PKD1L3: variants seen among roughly 807,000 people sequenced by gnomAD.
The protein encoded by PKD1L3 is polycystin 1 like 3, transient receptor potential channel interacting.
A neutral mutation model predicts 184.1 loss-of-function variants in PKD1L3; 239 were observed. The observed-to-expected ratio is 1.30, with a 90% CI of 1.17 to 1.45. The LOEUF (loss-of-function observed/expected upper bound fraction) is 1.45. PKD1L3 is among the 40% of genes most tolerant of loss of function. The pLI, the probability that PKD1L3 is intolerant of heterozygous loss-of-function variation, is 0.00. For missense variants in PKD1L3, 2,660 were observed against 2,067.2 expected, an observed-to-expected ratio of 1.29 and a Z score of -5.56; for synonymous variants, 996 against 778.8, an observed-to-expected ratio of 1.28 and a Z score of -4.64.
intron 11 of PKD1L3, among the ~76,000 whole-genome samples, chr16:71,974,264 G>C (rs2039836129): frequency 6.6e-6 from 1 of 152,166 alleles, no homozygotes; most frequent in Admixed American, 6.5e-5. Context: ...GCTAAGGTGA[G>C]TCATCCAGTC....
intron 7 of PKD1L3, among the ~76,000 whole-genome samples, chr16:71,981,826 C>A (rs1394919758): frequency 1.3e-5 from 2 of 152,094 alleles, no homozygotes; most frequent in Non-Finnish European, 2.9e-5. Flanking sequence ...CAGGTGTGAG[C>A]CACCGGGTCC....
At chr16:71,958,255 C>T (rs2039124237) in intron 16 of PKD1L3, among the ~76,000 whole-genome samples, 1 of 150,494 alleles carries the variant, frequency 6.6e-6, no homozygotes, top group East Asian at 2.0e-4. Flanking sequence ...GGCGTAGTGG[C>T]GGGCGCCTGT....
At chr16:71,962,523 C>A (rs138070522) in intron 16 of PKD1L3, among the ~76,000 whole-genome samples, 1 of 152,182 alleles carries the variant, frequency 6.6e-6, no homozygotes, top group East Asian at 1.9e-4. Flanking sequence ...GAGTTTCGCT[C>A]CGTTGCCCAG....
chr16:71,973,928 G>T (rs2039817945), intron 11 of PKD1L3, among the ~76,000 whole-genome samples: 1 of 151,908 alleles, frequency 6.6e-6, no homozygotes, highest in Admixed American at 6.6e-5. Flanking sequence ...CTTGAACTTG[G>T]GAGGTGGAAG....
At chr16:71,937,256 T>C in intron 25 of PKD1L3, 36 bp downstream of exon 25, 2 of 1,541,402 alleles carry the variant, frequency 1.3e-6, no homozygotes, top group South Asian at 2.4e-5. Flanking sequence ...GGTTTTGCCA[T>C]GTTGCCCAGG....
In PKD1L3 at chr16:71,942,950, G is replaced by A. The variant is rs1273003741; in HGVS notation, c.3934C>T (p.Gln1312Ter). The change falls in exon 24 of 30, where the codon CAA (glutamine) becomes TAA (stop). Residue 1312 changes from glutamine to a stop codon, truncating the protein, a stop_gained. Coordinates refer to ENST00000620267, the MANE Select transcript of PKD1L3 (RefSeq NM_181536.2). LOFTEE classifies it high-confidence loss of function. The part of the protein sequence containing the change: ...AKNSNRFYLH[Q>*]AIWKTFSHQF... ...TGCGAAAATGTCTTCCAGATAGCTT[G>A]GTGGAGGTAAAATCTATTGGAGTTC... 1 of 1,551,398 alleles carries A rather than the reference G, an allele frequency of 6.4e-7. No individual in the cohort carries two copies. The highest frequency in any genetic ancestry group is 8.7e-7 in the Non-Finnish European group (1 of 1,146,898).
chr16:71,984,206 A>G, intron 5 of PKD1L3, 39 bp from the exon 6 acceptor site: 1 of 1,537,622 alleles, frequency 6.5e-7, no homozygotes, highest in South Asian at 1.2e-5. Flanking sequence ...TACTCATACA[A>G]AATTACTGTA....
At chr16:71,986,981 G>C (rs1456922241) in intron 4 of PKD1L3, among the ~76,000 whole-genome samples, 2 of 132,078 alleles carry the variant, frequency 1.5e-5, no homozygotes, top group African/African-American at 2.9e-5. Context: ...CTGGAGTGCA[G>C]TGGCACGATC....
At chr16:71,982,453 T>C (rs1460427405) in intron 6 of PKD1L3, among the ~76,000 whole-genome samples, 2 of 151,684 alleles carry the variant, frequency 1.3e-5, no homozygotes, top group Non-Finnish European at 2.9e-5. Flanking sequence ...GCTCAACTAA[T>C]TTTGTATTTT....
chr16:71,961,953 T>G (rs531506226), intron 16 of PKD1L3, among the ~76,000 whole-genome samples: 1 of 152,336 alleles, frequency 6.6e-6, no homozygotes, highest in South Asian at 2.1e-4. Flanking sequence ...TGGTGTTTGG[T>G]TGATAGAGCC....
In PKD1L3 at chr16:71,978,254, C is replaced by T; in HGVS notation, c.1527+1G>A. The T allele has an allele frequency of 6.5e-7, 1 of 1,548,536 alleles. No homozygotes were observed. The highest frequency in any genetic ancestry group is 8.7e-7 in the Non-Finnish European group (1 of 1,144,880). On this transcript the variant is annotated splice_donor_variant, in intron 10 of 29. Transcript: ENST00000620267. LOFTEE classifies it high-confidence loss of function. ...TTTATTCCCTAAGAATCAGTTCCTA[C>T]CTCAATGTCCTCCATTAAATCATGG...
At chr16:71,978,495 GTA>G (rs4045545) in intron 9 of PKD1L3, 112 bp from the exon 10 acceptor site, 40,605 of 143,866 alleles carry the variant, frequency 0.28, 8,935 homozygotes, top group Admixed American at 0.36. Flanking sequence ...GTGTGTGTGT[GTA>G]TATATATATA....
In PKD1L3 at chr16:71,950,273, C is replaced by A. The variant is rs542510829; in HGVS notation, c.3228G>T (p.Leu1076=). Residue 1076 remains leucine (L), a synonymous_variant, in exon 20 of 30, where the codon CTG becomes CTT. Transcript: ENST00000620267. ...ATTTCAGCCTCTGCAGAACTCTATG[C>A]AGGTAACAGCAGAAATGATGGTGGT... ...PENHHHFCCY[L]HRVLQRLKSH... 3.2e-6 allele frequency: 5 copies of A among 1,542,010 alleles called. No individual in the cohort carries two copies. The South Asian group carries it at 6.0e-5, about 18-fold the overall frequency.
intron 4 of PKD1L3, among the ~76,000 whole-genome samples, chr16:71,987,327 C>T (rs903864297): frequency 6.6e-6 from 1 of 151,124 alleles, no homozygotes; most frequent in Non-Finnish European, 1.5e-5. Flanking sequence ...TTCAGGTAAT[C>T]CTCCTGCCTC....
At chr16:71,954,839 C>T (rs1194428823) in intron 16 of PKD1L3, among the ~76,000 whole-genome samples, 1 of 152,146 alleles carries the variant, frequency 6.6e-6, no homozygotes, top group African/African-American at 2.4e-5. Context: ...TTACTGAGCT[C>T]CAGACCTGGA....
intron 5 of PKD1L3, among the ~76,000 whole-genome samples, chr16:71,985,800 C>G (rs1226296255): frequency 6.6e-6 from 1 of 152,098 alleles, no homozygotes; most frequent in Non-Finnish European, 1.5e-5. Flanking sequence ...CTCCTGGGCT[C>G]AAGTGATCCT....
intron 4 of PKD1L3, 107 bp from the exon 5 acceptor site, chr16:71,986,576 A>G (rs1478326221): frequency 8.1e-7 from 1 of 1,234,690 alleles, no homozygotes; most frequent in African/African-American, 1.5e-5. Flanking sequence ...ATGAGATACT[A>G]ATAGGCATTT....
At chr16:71,943,896 C>G in intron 23 of PKD1L3, 134 bp downstream of exon 23, 1 of 1,111,070 alleles carries the variant, frequency 9.0e-7, no homozygotes, top group Non-Finnish European at 1.3e-6. Context: ...TTACTGGAAT[C>G]CCAAATCTCA....
rs1359993730 is a variant in PKD1L3 at position 71,963,351 on chromosome 16, C to T, written c.2466G>A (p.Trp822Ter). 6.5e-7 allele frequency: 1 copy of T among 1,545,744 alleles called. No individual in the cohort carries two copies. Among genetic ancestry groups the T allele is most frequent in the Non-Finnish European group, 8.7e-7 (1 of 1,144,160 alleles). Residue 822 changes from tryptophan (W) to a stop codon, truncating the protein, a stop_gained and splice_region_variant, in exon 16 of 30, where the codon TGG becomes TGA. Coordinates refer to ENST00000620267, the MANE Select transcript of PKD1L3 (RefSeq NM_181536.2). LOFTEE classifies it high-confidence loss of function. ...CACAGACAATTACCTGGCTGACATA[C>T]CTATAGTAAAATGAAGATAACCACA... ...WHDNSGVSPS[W>*]YVSQVIVCDM...
Sources: allele counts gnomAD v4.1 joint callset (sites outside exome capture counted in the v4.1 genomes callset), GRCh38; gene constraint gnomAD v4.1.1; transcripts MANE v1.5; gene names NCBI Gene and HGNC (gene_info 2026-07-23, HGNC 2026-07-21).